EIF4G3: variants seen among roughly 807,000 people sequenced by gnomAD.
EIF4G3 encodes the protein eIF-4-gamma 3.
In EIF4G3, 34 loss-of-function variants were observed where a neutral mutation model predicts 186.4. That is an observed-to-expected ratio of 0.18 (90% CI 0.14 to 0.24). EIF4G3 has a LOEUF of 0.24. Ranked by LOEUF, EIF4G3 falls within the 10% of genes least tolerant of loss-of-function variation. EIF4G3 has a pLI of 1.00. For synonymous variants in EIF4G3, 673 were observed against 679.5 expected (o/e 0.99, Z 0.15); for missense variants, 1,536 against 1,948.5 (o/e 0.79, Z 3.99).
intron 12 of EIF4G3, among the ~76,000 whole-genome samples, 158 bp downstream of exon 12, chr1:20,969,316 A>T (rs1477565757): frequency 1.3e-5 from 2 of 152,258 alleles, no homozygotes; most frequent in African/African-American, 4.8e-5. Context: ...TAATTTGCAA[A>T]GAGAAAAAAC....
chr1:20,974,014 C>A (rs2076367548), intron 10 of EIF4G3, among the ~76,000 whole-genome samples: 1 of 152,100 alleles, frequency 6.6e-6, no homozygotes, highest in Admixed American at 6.6e-5. Context: ...AAAACTCTTT[C>A]AGTTTTATGC....
intron 4 of EIF4G3, 38 bp from the exon 5 acceptor site, chr1:21,002,846 A>G (rs771878325): frequency 4.1e-6 from 5 of 1,205,814 alleles, no homozygotes; most frequent in African/African-American, 1.5e-5. Flanking sequence ...ATATTTTGAA[A>G]AAATATGGCA....
At chr1:21,125,664 A>G (rs2097019681) in intron 2 of EIF4G3, among the ~76,000 whole-genome samples, 1 of 151,934 alleles carries the variant, frequency 6.6e-6, no homozygotes, top group African/African-American at 2.4e-5. Context: ...GGCTGCAGTG[A>G]GCCGAGATTG....
At chr1:21,114,722 A>AAT (rs1553255169) in intron 2 of EIF4G3, among the ~76,000 whole-genome samples, 1 of 152,042 alleles carries the variant, frequency 6.6e-6, no homozygotes, top group Non-Finnish European at 1.5e-5. Flanking sequence ...AATAAAAAAA[A>AAT]TTTTTTTTGC....
At chr1:21,008,810 C>T (rs1356737474) in intron 4 of EIF4G3, among the ~76,000 whole-genome samples, 1 of 152,082 alleles carries the variant, frequency 6.6e-6, no homozygotes, top group East Asian at 1.9e-4. Flanking sequence ...CACATATATG[C>T]AGAATGTATT....
intron 20 of EIF4G3, among the ~76,000 whole-genome samples, chr1:20,873,453 G>A (rs1572016417): frequency 6.6e-6 from 1 of 152,172 alleles, no homozygotes; most frequent in East Asian, 1.9e-4. Context: ...CAAAGTGGCT[G>A]TTGCAATCAG....
intron 12 of EIF4G3, among the ~76,000 whole-genome samples, chr1:20,958,452 G>A (rs530375618): frequency 1.1e-3 from 165 of 152,166 alleles, no homozygotes; most frequent in Admixed American, 6.7e-3. Flanking sequence ...TACTGAATGG[G>A]AAAAAGTTGA....
chr1:21,069,581 T>G lies in EIF4G3; in HGVS notation c.-195-18587A>C, dbSNP rs117717597. ...TAAAAGCTCTGCAACATCTCCAATG[T>G]TTAGTCCCCTGGAAAAGCAAGCTCC... is the stretch of plus-strand genomic sequence containing the variant. On this transcript the variant is annotated intron_variant, in intron 3 of 36. Transcript: ENST00000602326. Among the ~76,000 whole-genome samples, 128 of 152,330 alleles carry G rather than the reference T, an allele frequency of 8.4e-4. No individual in the cohort carries two copies. The East Asian group carries it at 0.024, about 28-fold the overall frequency.
chr1:20,818,792 C>CT (rs2061628385), intron 33 of EIF4G3, among the ~76,000 whole-genome samples: 2 of 152,188 alleles, frequency 1.3e-5, no homozygotes, highest in Admixed American at 6.5e-5. Flanking sequence ...AAGGTTTTCT[C>CT]TAATACTCTT....
chr1:21,088,624 G>C (rs1261372485), intron 3 of EIF4G3, among the ~76,000 whole-genome samples: 1 of 152,072 alleles, frequency 6.6e-6, no homozygotes, highest in Non-Finnish European at 1.5e-5. Context: ...CAGCACGTTG[G>C]GAGGCCAAGG....
chr1:21,144,101 A>G (rs923793207), intron 2 of EIF4G3, among the ~76,000 whole-genome samples: 1 of 152,020 alleles, frequency 6.6e-6, no homozygotes, highest in Non-Finnish European at 1.5e-5. Context: ...CTTGGCTTCT[A>G]TTTTTTTGGT....
intron 2 of EIF4G3, among the ~76,000 whole-genome samples, chr1:21,172,315 T>G (rs1437127580): frequency 6.6e-6 from 1 of 152,172 alleles, no homozygotes; most frequent in Non-Finnish European, 1.5e-5. Flanking sequence ...TTCCCCAGAC[T>G]ACTCTCACAG....
intron 10 of EIF4G3, among the ~76,000 whole-genome samples, chr1:20,974,619 C>T (rs1024496391): frequency 6.6e-6 from 1 of 151,926 alleles, no homozygotes; most frequent in African/African-American, 2.4e-5. Context: ...AAAAATTTTG[C>T]CGTAAAAGAA....
chr1:20,885,965 GAC>G (rs977349294), intron 19 of EIF4G3, among the ~76,000 whole-genome samples: 2 of 152,148 alleles, frequency 1.3e-5, no homozygotes, highest in African/African-American at 4.8e-5. Context: ...ATAAGTCTAT[GAC>G]ACATGAACCC....
chr1:20,913,049 G>T (rs1290179801), intron 14 of EIF4G3, among the ~76,000 whole-genome samples: 2 of 152,174 alleles, frequency 1.3e-5, no homozygotes, highest in Non-Finnish European at 2.9e-5. Flanking sequence ...GCAACCAAAA[G>T]AAACACTTGA....
At chr1:20,960,364 G>A (rs1021326840) in intron 12 of EIF4G3, among the ~76,000 whole-genome samples, 22 of 152,040 alleles carry the variant, frequency 1.4e-4, no homozygotes, top group African/African-American at 5.1e-4. Context: ...TACTCAGGAG[G>A]CTGAGACAGA....
At chr1:21,016,261 A>G (rs35650858) in intron 4 of EIF4G3, among the ~76,000 whole-genome samples, 4,175 of 152,302 alleles carry the variant, frequency 0.027, 87 homozygotes, top group Non-Finnish European at 0.038. Flanking sequence ...AATCCCTCTG[A>G]TAATCATCCC....
intron 3 of EIF4G3, chr1:21,064,674 T>C (rs950483181): frequency 1.3e-5 from 2 of 152,224 alleles, no homozygotes; most frequent in Non-Finnish European, 2.9e-5. Flanking sequence ...GTGGTAAGGT[T>C]TGTCTATTCT....
intron 4 of EIF4G3, among the ~76,000 whole-genome samples, chr1:21,044,993 C>T (rs1018603229): frequency 1.1e-4 from 16 of 152,012 alleles, no homozygotes; most frequent in Non-Finnish European, 2.4e-4. Flanking sequence ...AATTAGTCAG[C>T]CATCATGGAG....
Sources: gnomAD v4.1 joint callset for allele counts (sites outside exome capture counted in the v4.1 genomes callset) on GRCh38, gnomAD v4.1.1 for gene constraint, MANE v1.5 for transcripts, NCBI Gene and HGNC (gene_info 2026-07-23, HGNC 2026-07-21) for gene names.